The following WDPCP variants were observed in gnomAD, a reference collection of about 807,000 sequenced individuals.
WDPCP encodes the protein WD repeat containing planar cell polarity effector, also known as WD repeat-containing and planar cell polarity effector protein fritz homolog.
A neutral mutation model predicts 93.1 loss-of-function variants in WDPCP; 71 were observed. That is an observed-to-expected ratio of 0.76 (90% CI 0.63 to 0.93). WDPCP has a LOEUF of 0.93. Among genes scored for constraint, WDPCP ranks in the 40% least tolerant of loss-of-function variants. The pLI is 0.00. For missense variants in WDPCP, 844 were observed against 887.4 expected, an observed-to-expected ratio of 0.95 and a Z score of 0.62; for synonymous variants, 315 against 315.0, an observed-to-expected ratio of 1.00 and a Z score of 0.00.
At chr2:63,619,325 A>G (rs546711762) in intron 3 of WDPCP, among the ~76,000 whole-genome samples, 1 of 152,328 alleles carries the variant, frequency 6.6e-6, no homozygotes, top group African/African-American at 2.4e-5. Context: ...CAAGACTTGG[A>G]GTACCCAACC....
rs1558832505 is a variant in WDPCP, at chr2:63,575,440, T to TATATACAGC, written c.75+12756_75+12757insGCTGTATAT. Among the ~76,000 whole-genome samples, 21 of 76,590 alleles carry TATATACAGC rather than the reference T, an allele frequency of 2.7e-4. 2 individuals are homozygous for TATATACAGC. Among genetic ancestry groups the TATATACAGC allele is most frequent in the South Asian group, 7.6e-4 (2 of 2,630 alleles). The allele number at this position is 76,590 out of a possible 152,430, so 50.2% of individuals were successfully genotyped here. A position where few individuals can be genotyped will look rare whatever the true frequency, so the allele number is the denominator to read the frequency against. On this transcript the variant is annotated intron_variant, in intron 1 of 17. Coordinates refer to ENST00000272321, the MANE Select transcript of WDPCP (RefSeq NM_015910.7). ...TACACTGTATACAGTGTATATACAG[T>TATATACAGC]GTATACACTGTATATACAGTATATA...
intron 12 of WDPCP, among the ~76,000 whole-genome samples, chr2:63,348,769 A>T (rs1689367239): frequency 6.6e-6 from 1 of 152,200 alleles, no homozygotes; most frequent in African/African-American, 2.4e-5. Flanking sequence ...AAGTATATTT[A>T]AAAAATAAGA....
At chr2:63,218,865 A>C (rs894333354) in intron 14 of WDPCP, among the ~76,000 whole-genome samples, 3 of 152,152 alleles carry the variant, frequency 2.0e-5, no homozygotes, top group Non-Finnish European at 4.4e-5. Context: ...TTCTTTTTAG[A>C]TACTAAAAAT....
chr2:63,561,117 T>C (rs1706579057), intron 1 of WDPCP, among the ~76,000 whole-genome samples: 1 of 152,106 alleles, frequency 6.6e-6, no homozygotes, highest in Non-Finnish European at 1.5e-5. Flanking sequence ...ACAGAAACCC[T>C]AGAAGAAAAT....
At chr2:63,515,546 A>G (rs1397863324) in intron 1 of WDPCP, among the ~76,000 whole-genome samples, 1 of 152,190 alleles carries the variant, frequency 6.6e-6, no homozygotes, top group Non-Finnish European at 1.5e-5. Context: ...TGTGCTAGGA[A>G]AAGTGCAATT....
intron 12 of WDPCP, among the ~76,000 whole-genome samples, chr2:63,376,537 G>T: frequency 6.6e-6 from 1 of 151,834 alleles, no homozygotes; most frequent in Non-Finnish European, 1.5e-5. Context: ...AGACAATGAG[G>T]ACACAAAGAA....
At chr2:63,213,442 C>A (rs572736313) in intron 14 of WDPCP, among the ~76,000 whole-genome samples, 9 of 152,262 alleles carry the variant, frequency 5.9e-5, no homozygotes, top group Non-Finnish European at 1.2e-4. Context: ...AAACACACAA[C>A]ATACCAGAAT....
rs1310175693 is a variant in WDPCP at position 63,270,915 on chromosome 2, G to A, written c.1813-11506C>T. Among the ~76,000 whole-genome samples, 5 of 152,248 alleles carry A rather than the reference G, an allele frequency of 3.3e-5. No individual in the cohort carries two copies. The South Asian group carries it at 8.3e-4, about 25-fold the overall frequency. Reference sequence around the variant, plus strand: ...AAGACTCAAGCAGCTGTAGCATGATGTCACTTTGAGAGCCCAGTCACAAGA... The same window carrying A: ...AAGACTCAAGCAGCTGTAGCATGATATCACTTTGAGAGCCCAGTCACAAGA... On this transcript the variant is annotated intron_variant, in intron 13 of 17. Coordinates refer to ENST00000272321, the MANE Select transcript of WDPCP (RefSeq NM_015910.7).
At chr2:63,589,185 C>G (rs1300673838), upstream of WDPCP, 16 of 1,604,232 alleles carry the variant, frequency 1.0e-5, no homozygotes, top group Non-Finnish European at 1.4e-5. Flanking sequence ...GACTCATCTT[C>G]TGGGGATTGC....
intron 9 of WDPCP, among the ~76,000 whole-genome samples, chr2:63,410,033 G>A (rs1694910801): frequency 6.6e-6 from 1 of 152,130 alleles, no homozygotes; most frequent in African/African-American, 2.4e-5. Flanking sequence ...GAAAACATCT[G>A]GGAAATTCAT....
intron 13 of WDPCP, among the ~76,000 whole-genome samples, chr2:63,265,233 A>G (rs1022021710): frequency 6.6e-6 from 1 of 152,156 alleles, no homozygotes; most frequent in African/African-American, 2.4e-5. Flanking sequence ...AGATCAAGAA[A>G]ACTAAAAGTT....
At chr2:63,829,492 A>C (rs186774113), upstream of WDPCP, among the ~76,000 whole-genome samples, 1 of 152,264 alleles carries the variant, frequency 6.6e-6, no homozygotes, top group East Asian at 1.9e-4. Flanking sequence ...ATGAGAATTT[A>C]GCTCAGTTCC....
chr2:63,311,696 G>T (rs1015011526), intron 13 of WDPCP, among the ~76,000 whole-genome samples: 8 of 152,174 alleles, frequency 5.3e-5, no homozygotes, highest in African/African-American at 1.9e-4. Context: ...AACTAACATG[G>T]ACACTTTATA....
chr2:63,270,611 G>C (rs1380212189), intron 13 of WDPCP, among the ~76,000 whole-genome samples: 4 of 152,228 alleles, frequency 2.6e-5, no homozygotes, highest in African/African-American at 7.2e-5. Flanking sequence ...AGAATTCAGA[G>C]AGAAGTGACA....
At chr2:63,588,828 T>A, upstream of WDPCP, 2 of 585,538 alleles carry the variant, frequency 3.4e-6, no homozygotes, top group Non-Finnish European at 6.0e-6. Flanking sequence ...ACCTCTGGTA[T>A]CGGGAAGTGT....
At chr2:63,656,547 A>G (rs370722779) in intron 2 of WDPCP, among the ~76,000 whole-genome samples, 183 of 152,380 alleles carry the variant, frequency 1.2e-3, no homozygotes, top group African/African-American at 4.4e-3. Context: ...TTCAAGAGCT[A>G]AGAGCAGCTA....
At chr2:63,429,784 T>A (rs551995964) in intron 9 of WDPCP, among the ~76,000 whole-genome samples, 1 of 152,156 alleles carries the variant, frequency 6.6e-6, no homozygotes, top group Non-Finnish European at 1.5e-5. Context: ...TGGAAATTTC[T>A]CAAAGAACTA....
rs1271421360 is a variant in WDPCP, at chr2:63,588,100, T to A, written c.75+97A>T. On this transcript the variant is annotated intron_variant, in intron 1 of 17. Coordinates refer to ENST00000272321, the MANE Select transcript of WDPCP (RefSeq NM_015910.7). ...AAAGGGACCGGCGAGCTTGCAGGCA[T>A]CCGCACAGCGGATAAAAGCAAAGCG... 3.5e-6 allele frequency: 5 copies of A among 1,427,472 alleles called. No homozygotes were observed. The Admixed American group carries it at 9.8e-5, about 28-fold the overall frequency. 88.4% of individuals were successfully genotyped at this position (1,427,472 alleles called of 1,614,324 possible).
chr2:63,802,764 A>G (rs978337873), intron 2 of WDPCP, among the ~76,000 whole-genome samples: 3 of 152,228 alleles, frequency 2.0e-5, no homozygotes, highest in African/African-American at 7.2e-5. Flanking sequence ...GAGATGTATT[A>G]TGTTTCTTCC....
Sources: allele counts gnomAD v4.1 joint callset (sites outside exome capture counted in the v4.1 genomes callset), GRCh38; gene constraint gnomAD v4.1.1; transcripts MANE v1.5; gene names NCBI Gene and HGNC (gene_info 2026-07-23, HGNC 2026-07-21).